MED27: variants seen among roughly 807,000 people sequenced by gnomAD.
MED27 encodes the protein mediator of RNA polymerase II transcription subunit 27.
MED27 carries 30 observed loss-of-function variants against 38.2 expected under a neutral mutation model. The ratio of observed to expected loss-of-function variants is 0.79; its 90% CI spans 0.59 to 1.07. The LOEUF (loss-of-function observed/expected upper bound fraction) is 1.07. Among genes scored for constraint, MED27 ranks in the 50% least tolerant of loss-of-function variants. The probability of loss-of-function intolerance (pLI) is 0.00; values close to 1 mark genes in which losing one functional copy is unlikely to be tolerated. For synonymous variants in MED27, 122 were observed against 153.5 expected (o/e 0.79, Z 1.52); for missense variants, 289 against 397.5 (o/e 0.73, Z 2.32).
intron 6 of MED27, among the ~76,000 whole-genome samples, chr9:131,881,109 T>C (rs1839028601): frequency 6.6e-6 from 1 of 152,110 alleles, no homozygotes; most frequent in Admixed American, 6.5e-5. Context: ...AAGGACCAGA[T>C]TGAGGGGAAA....
At chr9:132,059,157 G>A (rs950377290) in intron 2 of MED27, among the ~76,000 whole-genome samples, 1 of 152,154 alleles carries the variant, frequency 6.6e-6, no homozygotes, top group Non-Finnish European at 1.5e-5. Context: ...GATAAAAGGG[G>A]ACAGCTCTCC....
chr9:132,014,480 A>T lies in MED27; in HGVS notation c.349-13T>A, dbSNP rs763922985. On this transcript the variant is annotated splice_polypyrimidine_tract_variant and intron_variant, in intron 2 of 7. Transcript: ENST00000292035. ...CATGGTACTGCAACTGCAGAGAAAA[A>T]CAAAACAAAAGGGGAAGAAAAATAG... is the stretch of plus-strand genomic sequence containing the variant. The T allele has an allele frequency of 1.6e-5, 25 of 1,609,264 alleles. No individual in the cohort carries two copies. The South Asian group carries it at 2.6e-4, about 16-fold the overall frequency.
intron 4 of MED27, among the ~76,000 whole-genome samples, chr9:131,909,219 C>A (rs1320461612): frequency 6.6e-6 from 1 of 152,312 alleles, no homozygotes; most frequent in East Asian, 1.9e-4. Flanking sequence ...AATATCACTT[C>A]CTTTTCACCA....
chr9:131,942,551 T>G (rs1338179123), intron 3 of MED27, among the ~76,000 whole-genome samples: 1 of 152,216 alleles, frequency 6.6e-6, no homozygotes, highest in Non-Finnish European at 1.5e-5. Context: ...TTCTGAACAT[T>G]GAGGCTATTG....
intron 3 of MED27, among the ~76,000 whole-genome samples, chr9:131,976,881 G>C (rs1831619725): frequency 6.6e-6 from 1 of 152,170 alleles, no homozygotes; most frequent in Non-Finnish European, 1.5e-5. Context: ...TACGCTTTAA[G>C]AACACTATAA....
At chr9:132,060,222 T>C (rs910927666) in intron 2 of MED27, among the ~76,000 whole-genome samples, 1 of 152,146 alleles carries the variant, frequency 6.6e-6, no homozygotes, top group African/African-American at 2.4e-5. Flanking sequence ...AGGAAATGGG[T>C]GGCCCCCTGT....
At chr9:132,013,485 C>T (rs997957943) in intron 3 of MED27, among the ~76,000 whole-genome samples, 3 of 152,178 alleles carry the variant, frequency 2.0e-5, no homozygotes, top group African/African-American at 7.2e-5. Context: ...GGTGGCTACA[C>T]GGATGTACAT....
chr9:131,975,727 T>C (rs575148436), intron 3 of MED27, among the ~76,000 whole-genome samples: 2 of 152,190 alleles, frequency 1.3e-5, no homozygotes, highest in East Asian at 3.9e-4. Flanking sequence ...AGAAACACAA[T>C]GCATTATGAG....
intron 4 of MED27, among the ~76,000 whole-genome samples, chr9:131,902,161 A>G (rs926472299): frequency 6.6e-6 from 1 of 151,944 alleles, no homozygotes; most frequent in Non-Finnish European, 1.5e-5. Flanking sequence ...TACACACACC[A>G]CTGACCCCAT....
intron 6 of MED27, among the ~76,000 whole-genome samples, chr9:131,869,618 G>A (rs947621985): frequency 1.3e-5 from 2 of 152,190 alleles, no homozygotes; most frequent in African/African-American, 4.8e-5. Flanking sequence ...TCAAAGGGAT[G>A]CAAGCCCAAG....
chr9:131,952,224 C>A (rs1434101485), intron 3 of MED27, among the ~76,000 whole-genome samples: 1 of 152,198 alleles, frequency 6.6e-6, no homozygotes. Flanking sequence ...GGCCAAGGGT[C>A]CTTGTCCTTG....
At chr9:131,943,657 G>A (rs1830829197) in intron 3 of MED27, among the ~76,000 whole-genome samples, 2 of 152,248 alleles carry the variant, frequency 1.3e-5, no homozygotes, top group South Asian at 2.1e-4. Flanking sequence ...CACTTGAGCA[G>A]ACGCGGCGCG....
chr9:131,875,882 T>C (rs1838922016), intron 6 of MED27, among the ~76,000 whole-genome samples: 1 of 152,186 alleles, frequency 6.6e-6, no homozygotes, highest in African/African-American at 2.4e-5. Flanking sequence ...AGTGCTGGGA[T>C]TACAGGCATG....
At chr9:131,974,004 T>C (rs116706601) in intron 3 of MED27, among the ~76,000 whole-genome samples, 11,315 of 152,172 alleles carry the variant, frequency 0.074, 425 homozygotes, top group Non-Finnish European at 0.087. Context: ...TGAGCCACCG[T>C]GCCCGGCCTA....
intron 3 of MED27, among the ~76,000 whole-genome samples, chr9:131,975,738 G>T (rs542904586): frequency 9.3e-4 from 142 of 152,282 alleles, no homozygotes; most frequent in African/African-American, 3.2e-3. Flanking sequence ...GCATTATGAG[G>T]ATACAGAAGA....
At chr9:132,049,024 G>A (rs1833404942) in intron 2 of MED27, among the ~76,000 whole-genome samples, 1 of 152,192 alleles carries the variant, frequency 6.6e-6, no homozygotes, top group South Asian at 2.1e-4. Flanking sequence ...CAATCTTCCT[G>A]AAATGTGATT....
intron 4 of MED27, among the ~76,000 whole-genome samples, chr9:131,921,583 T>C (rs1215428666): frequency 6.6e-6 from 1 of 152,202 alleles, no homozygotes; most frequent in Non-Finnish European, 1.5e-5. Flanking sequence ...GGTGGGACTG[T>C]AAACTAGTTC....
chr9:131,999,251 G>A (rs1443973496), intron 3 of MED27, among the ~76,000 whole-genome samples: 2 of 152,178 alleles, frequency 1.3e-5, no homozygotes, highest in Non-Finnish European at 2.9e-5. Flanking sequence ...GTGAGGAGAA[G>A]TTTCAGCTCA....
chr9:131,939,216 G>A, intron 4 of MED27, 165 bp downstream of exon 4: 1 of 425,992 alleles, frequency 2.3e-6, no homozygotes, highest in Non-Finnish European at 4.1e-6. Context: ...GTTTCAATGT[G>A]CAGAATTCTT....
Sources: allele counts gnomAD v4.1 joint callset (sites outside exome capture counted in the v4.1 genomes callset), GRCh38; gene constraint gnomAD v4.1.1; transcripts MANE v1.5; gene names NCBI Gene and HGNC (gene_info 2026-07-23, HGNC 2026-07-21).